CIT: variants seen among roughly 807,000 people sequenced by gnomAD.
CIT encodes citron rho-interacting serine/threonine kinase.
CIT carries 79 observed loss-of-function variants against 272.7 expected under a neutral mutation model. The ratio of observed to expected loss-of-function variants is 0.29; its 90% confidence interval spans 0.24 to 0.35. The LOEUF (loss-of-function observed/expected upper bound fraction) is 0.35. Ranked by LOEUF, CIT falls within the 10% of genes least tolerant of loss-of-function variation. The pLI, the probability that CIT is intolerant of heterozygous loss-of-function variation, is 1.00. For synonymous variants in CIT, 948 were observed against 995.6 expected (o/e 0.95, Z 0.90); for missense variants, 1,909 against 2,618.3 (o/e 0.73, Z 5.91).
At chr12:119,865,884 G>A (rs1466183149) in intron 3 of CIT, among the ~76,000 whole-genome samples, 1 of 146,846 alleles carries the variant, frequency 6.8e-6, no homozygotes, top group Non-Finnish European at 1.5e-5. Context: ...AAAAAAAAAA[G>A]GATATACATT....
In CIT at chr12:119,713,772, G is replaced by C. The variant is rs777069838; in HGVS notation, c.4307-124C>G. 2.9e-6 allele frequency: 3 copies of C among 1,020,346 alleles called. No homozygotes were observed. In the African/African-American group the frequency reaches 4.8e-5, roughly 16 times the overall value. The allele number at this position is 1,020,346 out of a possible 1,614,324, so 63.2% of individuals were successfully genotyped here. A position where few individuals can be genotyped will look rare whatever the true frequency, so the allele number is the denominator to read the frequency against. On this transcript the variant is annotated intron_variant, in intron 33 of 47. Transcript: ENST00000392521. This position sits in a 1 kb window ranked among gnomAD's most constrained non-coding sequence, Gnocchi z 5.2. ...GGCCCAGAGAGTCTGGCCCTGGCTT[G>C]CAGGTAGTCTCCTGAGCTTCCCCTG... is the stretch of plus-strand genomic sequence containing the variant.
chr12:119,714,085 C>G, intron 33 of CIT, 112 bp downstream of exon 33: 1 of 1,273,276 alleles, frequency 7.9e-7, no homozygotes, highest in Non-Finnish European at 1.1e-6. Context: ...GTAAGAAGCT[C>G]GAAAATGAAT....
At chr12:119,705,771 C>CAAAAAAAAAAAA (rs148188101) in intron 40 of CIT, among the ~76,000 whole-genome samples, 1 of 46,618 alleles carries the variant, frequency 2.1e-5, no homozygotes, top group Non-Finnish European at 3.9e-5. Context: ...GACTCTGTCT[C>CAAAAAAAAAAAA]AAAAAAAAAA....
At chr12:119,788,493 T>C (rs1965005812) in intron 10 of CIT, among the ~76,000 whole-genome samples, 2 of 152,174 alleles carry the variant, frequency 1.3e-5, no homozygotes, top group African/African-American at 4.8e-5. Flanking sequence ...TCACAGCTCC[T>C]TGTGCTTAAG....
rs1594030853 is a variant in CIT at position 119,876,106 on chromosome 12, G to A, written c.63C>T (p.Ala21=). The A allele has an allele frequency of 4.3e-6, 7 of 1,613,914 alleles. No homozygotes were observed. In the East Asian group the frequency reaches 1.3e-4, roughly 31 times the overall value. ...ACAGATTCAGCCTGGAGGCCCGGCT[G>A]GCAATGGGTTCAGCAGCACCAGCAT... ...PLDAGAAEPI[A]SRASRLNLFF... is the part of the protein sequence containing the mutation. Residue 21 remains alanine (A), a synonymous_variant, in exon 2 of 48, where the codon GCC becomes GCT. Coordinates refer to ENST00000392521, the MANE Select transcript of CIT (RefSeq NM_001206999.2).
At chr12:119,812,417 T>G (rs531310459) in intron 9 of CIT, among the ~76,000 whole-genome samples, 2 of 152,146 alleles carry the variant, frequency 1.3e-5, no homozygotes, top group African/African-American at 4.8e-5. Context: ...TTAGTACCCT[T>G]TTATCTCTTT....
rs754496604 is a variant in CIT, at chr12:119,822,826, G to A, written c.1105C>T (p.Arg369Cys). Residue 369 changes from arginine (R) to cysteine (C), a missense_variant, in exon 9 of 48, where the codon CGT (arginine) becomes TGT (cysteine). This residue lies in a region of CIT where 529 missense variants were observed against 549.6 expected (regional missense o/e 0.96). Transcript: ENST00000392521. ...GGAAAACAGCCCTACTTACAGTTACGAATGTTGTTCCAGTCAATTTTAGAG... is the reference window on the plus strand; with the variant it reads ...GGAAAACAGCCCTACTTACAGTTACAAATGTTGTTCCAGTCAATTTTAGAG... ...FFSKIDWNNI[R>C]NSPPPFVPTL... The A allele has an allele frequency of 1.2e-5, 20 of 1,613,842 alleles. No homozygotes were observed. Among genetic ancestry groups the A allele is most frequent in the East Asian group, 6.7e-5 (3 of 44,886 alleles).
chr12:119,689,969 A>G (rs553161586), intron 47 of CIT, among the ~76,000 whole-genome samples, 182 bp downstream of exon 47: 136 of 152,110 alleles, frequency 8.9e-4, no homozygotes, highest in African/African-American at 2.6e-3. Flanking sequence ...GTGAGCCACC[A>G]CGCCCGGCCA....
At chr12:119,860,584 G>A (rs755458772) in intron 3 of CIT, among the ~76,000 whole-genome samples, 1 of 151,922 alleles carries the variant, frequency 6.6e-6, no homozygotes, top group Non-Finnish European at 1.5e-5. Context: ...AGTATGCCTT[G>A]GATTGTTTAC....
intron 3 of CIT, among the ~76,000 whole-genome samples, chr12:119,862,207 C>G (rs779310503): frequency 2.2e-4 from 34 of 152,142 alleles, no homozygotes; most frequent in Admixed American, 1.2e-3. Context: ...TTTGGCCAGG[C>G]TGGTCTCAAA....
At position 119,876,015 on chromosome 12, in the gene CIT, G is replaced by C. The variant is rs900122053; in HGVS notation, c.96+58C>G. 1.7e-5 allele frequency: 18 copies of C among 1,031,982 alleles called. No homozygotes were observed. The Admixed American group carries it at 3.4e-4, about 20-fold the overall frequency. 63.9% of individuals were successfully genotyped at this position (1,031,982 alleles called of 1,614,324 possible). On this transcript the variant is annotated intron_variant, in intron 2 of 47. Transcript: ENST00000392521. ...CAAATAAATAAAAGCAAAGGTGAGTGACAAGGAGATTCCAAGGACACACAC... is the reference window on the plus strand; with the variant it reads ...CAAATAAATAAAAGCAAAGGTGAGTCACAAGGAGATTCCAAGGACACACAC...
chr12:119,767,279 C>T, intron 18 of CIT, 97 bp from the exon 19 acceptor site: 1 of 924,652 alleles, frequency 1.1e-6, no homozygotes, highest in East Asian at 2.6e-5. Context: ...GTACAGGTAC[C>T]ACAGGTAACG....
At chr12:119,794,730 C>T (rs1965591769) in intron 10 of CIT, among the ~76,000 whole-genome samples, 1 of 152,234 alleles carries the variant, frequency 6.6e-6, no homozygotes, top group South Asian at 2.1e-4. Flanking sequence ...GGGCAGAAAC[C>T]AGCAAGATGT....
chr12:119,713,790 T>G lies in CIT; in HGVS notation c.4307-142A>C. The G allele has an allele frequency of 1.2e-6, 1 of 825,508 alleles. No individual in the cohort carries two copies. The highest frequency in any genetic ancestry group is 2.0e-6 in the Non-Finnish European group (1 of 511,264). 51.1% of individuals were successfully genotyped at this position (825,508 alleles called of 1,614,324 possible). The stretch of plus-strand genomic sequence containing the variant: ...CTGGCTTGCAGGTAGTCTCCTGAGC[T>G]TCCCCTGGTGCCAGGCCCCTGCAGA... On this transcript the variant is annotated intron_variant, in intron 33 of 47. Coordinates refer to ENST00000392521, the MANE Select transcript of CIT (RefSeq NM_001206999.2). The surrounding 1 kb of genome is among the most constrained non-coding windows in gnomAD (Gnocchi z 5.2).
chr12:119,695,041 T>C (rs949722980), intron 46 of CIT, among the ~76,000 whole-genome samples: 1 of 152,144 alleles, frequency 6.6e-6, no homozygotes, highest in Non-Finnish European at 1.5e-5. Context: ...ATTTGGCACC[T>C]CTGCTTTTCC....
intron 23 of CIT, among the ~76,000 whole-genome samples, chr12:119,750,643 T>G (rs202985): frequency 0.76 from 114,891 of 151,596 alleles, 43,837 homozygotes; most frequent in Middle Eastern, 0.88. Flanking sequence ...ATACAGACCC[T>G]GGCACTGTCA....
chr12:119,788,203 C>A (rs1964979303), intron 10 of CIT, among the ~76,000 whole-genome samples: 1 of 152,220 alleles, frequency 6.6e-6, no homozygotes, highest in Non-Finnish European at 1.5e-5. Flanking sequence ...CTACGCTTCT[C>A]ACCAGCCTGT....
At chr12:119,871,269 C>A (rs1420455791) in intron 2 of CIT, among the ~76,000 whole-genome samples, 2 of 152,154 alleles carry the variant, frequency 1.3e-5, no homozygotes, top group East Asian at 3.9e-4. Flanking sequence ...AATGTAGCCC[C>A]ACAAGTGACC....
intron 2 of CIT, among the ~76,000 whole-genome samples, chr12:119,869,505 T>C (rs1430042660): frequency 6.6e-6 from 1 of 152,204 alleles, no homozygotes; most frequent in Non-Finnish European, 1.5e-5. Flanking sequence ...GAATATTTCC[T>C]CTGGATCCTC....
Sources: gnomAD v4.1 joint callset for allele counts (sites outside exome capture counted in the v4.1 genomes callset) on GRCh38, gnomAD v4.1.1 for gene constraint, gnomAD v4.1.1 regional missense constraint, Gnocchi (gnomAD v3.1) non-coding constraint, MANE v1.5 for transcripts, NCBI Gene and HGNC (gene_info 2026-07-23, HGNC 2026-07-21) for gene names.